Variants in PPM1E observed in about 807,000 individuals in gnomAD.
PPM1E encodes the protein protein phosphatase, Mg2+/Mn2+ dependent 1E, also known as protein phosphatase 1E.
PPM1E carries 20 observed loss-of-function variants against 65.9 expected under a neutral mutation model. The ratio of observed to expected loss-of-function variants is 0.30; its 90% confidence interval spans 0.21 to 0.44. The LOEUF is 0.44. Among genes scored for constraint, PPM1E ranks in the 20% least tolerant of loss-of-function variants. PPM1E has a pLI of 1.00. For missense variants in PPM1E, 713 were observed against 953.1 expected (o/e 0.75, Z 3.32); for synonymous variants, 352 against 374.9 (o/e 0.94, Z 0.70).
chr17:58,919,219 A>ATTG (rs2051721315), intron 1 of PPM1E, among the ~76,000 whole-genome samples: 1 of 152,238 alleles, frequency 6.6e-6, no homozygotes, highest in Non-Finnish European at 1.5e-5. Flanking sequence ...GAAGAAAACC[A>ATTG]TAAGAGAAAT....
intron 1 of PPM1E, among the ~76,000 whole-genome samples, chr17:58,765,135 T>TG (rs2049860337): frequency 6.6e-6 from 1 of 152,004 alleles, no homozygotes; most frequent in Non-Finnish European, 1.5e-5. Context: ...TTCTTATTAC[T>TG]GATTAGCATT....
intron 1 of PPM1E, among the ~76,000 whole-genome samples, chr17:58,899,859 T>G (rs2051476679): frequency 6.6e-6 from 1 of 151,986 alleles, no homozygotes; most frequent in South Asian, 2.1e-4. Context: ...TAACTGCAGA[T>G]TTGGTGGAAA....
intron 1 of PPM1E, among the ~76,000 whole-genome samples, chr17:58,854,362 T>G (rs1489092475): frequency 1.3e-5 from 2 of 152,160 alleles, no homozygotes; most frequent in African/African-American, 4.8e-5. Flanking sequence ...TGTAAAGAGA[T>G]AATTTTACTT....
chr17:58,905,853 C>T (rs2051552587), intron 1 of PPM1E, among the ~76,000 whole-genome samples: 1 of 152,144 alleles, frequency 6.6e-6, no homozygotes, highest in African/African-American at 2.4e-5. Flanking sequence ...ATGGTAGTCT[C>T]AGAGAATGAC....
Position 58,955,028 on chromosome 17 carries a change from C to T in PPM1E, c.465-621C>T, listed in dbSNP as rs1004639985. ...CCATTCTATCTAAGTTCATACCCCT[C>T]TTTATTATTCTCTGTCATTGTATCC... On this transcript the variant is annotated intron_variant, in intron 1 of 6. Transcript: ENST00000308249. Among the ~76,000 whole-genome samples the T allele has an allele frequency of 9.9e-5, 15 of 152,056 alleles. 1 individual carries two copies. The highest frequency in any genetic ancestry group is 9.2e-4 in the Admixed American group (14 of 15,264).
chr17:58,841,145 T>C (rs1249584470), intron 1 of PPM1E, among the ~76,000 whole-genome samples: 3 of 152,242 alleles, frequency 2.0e-5, no homozygotes, highest in African/African-American at 7.2e-5. Flanking sequence ...TACTGATATA[T>C]AAATAATTGG....
chr17:58,940,329 A>G (rs1018841146), intron 1 of PPM1E, among the ~76,000 whole-genome samples: 5 of 152,174 alleles, frequency 3.3e-5, no homozygotes, highest in African/African-American at 1.2e-4. Context: ...ATCACTTCCA[A>G]CTCAAAGTCA....
At chr17:58,843,240 GGCATGAA>G (rs2050737903) in intron 1 of PPM1E, among the ~76,000 whole-genome samples, 1 of 151,276 alleles carries the variant, frequency 6.6e-6, no homozygotes, top group Non-Finnish European at 1.5e-5. Flanking sequence ...GCAGGAGAAT[GGCATGAA>G]CCTGAGAGGC....
At chr17:58,782,899 GCTC>G (rs1479612863) in intron 1 of PPM1E, among the ~76,000 whole-genome samples, 2 of 152,004 alleles carry the variant, frequency 1.3e-5, no homozygotes, top group African/African-American at 4.8e-5. Context: ...AATACTAACA[GCTC>G]CTATTTTGTT....
intron 1 of PPM1E, among the ~76,000 whole-genome samples, chr17:58,768,253 T>A (rs2049902401): frequency 6.6e-6 from 1 of 152,004 alleles, no homozygotes. Context: ...TGCCCTGCTA[T>A]TTTTTAAAAT....
In PPM1E at chr17:58,964,113, A is replaced by G. The variant is rs546751892; in HGVS notation, c.584-1581A>G. ...AGTCCACGTCCCAGGCTGTTCTAGA[A>G]CATATAGTCTCTCTCTTCTTTGGGA... On this transcript the variant is annotated intron_variant, in intron 2 of 6. Transcript: ENST00000308249. 1.6e-3 allele frequency among the ~76,000 whole-genome samples: 250 copies of G among 152,338 alleles called. 4 individuals carry two copies. In the South Asian group the frequency reaches 0.018, roughly 11 times the overall value.
At chr17:58,946,834 A>C (rs1269114680) in intron 1 of PPM1E, among the ~76,000 whole-genome samples, 3 of 152,126 alleles carry the variant, frequency 2.0e-5, no homozygotes. Context: ...ATGTAGTCCA[A>C]TTTAATATTT....
At chr17:58,803,258 C>T (rs541284909) in intron 1 of PPM1E, among the ~76,000 whole-genome samples, 1 of 152,102 alleles carries the variant, frequency 6.6e-6, no homozygotes, top group African/African-American at 2.4e-5. Context: ...CCTTCAATAC[C>T]TAATTTGTTG....
chr17:58,904,966 G>A (rs1412154036), intron 1 of PPM1E, among the ~76,000 whole-genome samples: 3 of 152,094 alleles, frequency 2.0e-5, no homozygotes, highest in Non-Finnish European at 4.4e-5. Context: ...GGAGGTTTTG[G>A]TGAGCCGAGG....
intron 2 of PPM1E, among the ~76,000 whole-genome samples, chr17:58,957,853 A>G (rs2029901614): frequency 6.6e-6 from 1 of 152,186 alleles, no homozygotes; most frequent in African/African-American, 2.4e-5. Context: ...CCTAAAACCA[A>G]TTTGAGGGCC....
At chr17:58,802,392 T>G (rs1412061999) in intron 1 of PPM1E, among the ~76,000 whole-genome samples, 4 of 152,196 alleles carry the variant, frequency 2.6e-5, no homozygotes, top group Admixed American at 2.6e-4. Context: ...TTGGTTTCTA[T>G]GTCTGTTTTT....
chr17:58,806,311 T>G (rs978752093), intron 1 of PPM1E, among the ~76,000 whole-genome samples: 15 of 152,070 alleles, frequency 9.9e-5, no homozygotes, highest in African/African-American at 3.6e-4. Context: ...CCGAGAAAAT[T>G]AGTATGATTA....
At chr17:58,967,955 C>T (rs2030363600) in intron 3 of PPM1E, among the ~76,000 whole-genome samples, 1 of 152,064 alleles carries the variant, frequency 6.6e-6, no homozygotes, top group African/African-American at 2.4e-5. Context: ...AGGCGCGTGC[C>T]ACCACACCCA....
At chr17:58,905,532 A>T (rs2051548572) in intron 1 of PPM1E, among the ~76,000 whole-genome samples, 1 of 152,182 alleles carries the variant, frequency 6.6e-6, no homozygotes, top group Admixed American at 6.5e-5. Flanking sequence ...TGATCATCAG[A>T]TGCATCAATT....
Sources: allele counts gnomAD v4.1 joint callset (sites outside exome capture counted in the v4.1 genomes callset), GRCh38; gene constraint gnomAD v4.1.1; transcripts MANE v1.5; gene names NCBI Gene and HGNC (gene_info 2026-07-23, HGNC 2026-07-21).